Variants in ROBO1 observed in about 807,000 individuals in gnomAD.
ROBO1 encodes the protein roundabout guidance receptor 1, also known as roundabout homolog 1.
ROBO1 carries 149 observed loss-of-function variants against 195.9 expected under a neutral mutation model. The observed-to-expected ratio is 0.76, with a 90% CI of 0.67 to 0.87. The LOEUF (loss-of-function observed/expected upper bound fraction) is 0.87, where lower values mean the gene tolerates loss of function less well. Among genes scored for constraint, ROBO1 ranks in the 40% least tolerant of loss-of-function variants. ROBO1 has a pLI of 0.00. For synonymous variants in ROBO1, 816 were observed against 733.2 expected (o/e 1.11, Z -1.82); for missense variants, 1,933 against 2,068.3 (o/e 0.93, Z 1.27).
chr3:78,801,460 T>C (rs527469555), intron 4 of ROBO1, among the ~76,000 whole-genome samples: 10 of 152,134 alleles, frequency 6.6e-5, no homozygotes, highest in Non-Finnish European at 1.3e-4. Flanking sequence ...TCCAATATTA[T>C]CTTCTCTATT....
At chr3:79,381,218 G>A (rs778091750) in intron 2 of ROBO1, among the ~76,000 whole-genome samples, 178 of 151,692 alleles carry the variant, frequency 1.2e-3, no homozygotes, top group Non-Finnish European at 1.7e-3. Flanking sequence ...TTATCTGGGC[G>A]TGGAGGCAGG....
intron 2 of ROBO1, among the ~76,000 whole-genome samples, chr3:79,588,287 AT>A (rs973673062): frequency 6.6e-6 from 1 of 151,668 alleles, no homozygotes; most frequent in Non-Finnish European, 1.5e-5. Flanking sequence ...AAAAGGTAAC[AT>A]TTTTTATTCC....
At position 79,033,850 on chromosome 3, in the gene ROBO1, T is replaced by TTGTAAAACTC. The variant is rs1465482942; in HGVS notation, c.172+91596_172+91605dup. Among the ~76,000 whole-genome samples the TTGTAAAACTC allele has an allele frequency of 5.3e-5, 8 of 152,156 alleles. 1 individual carries two copies. The East Asian group carries it at 1.2e-3, about 22-fold the overall frequency. The stretch of plus-strand genomic sequence containing the variant: ...TCTCAAAGTGCTTTTTCTGGAGCAT[T>TTGTAAAACTC]TGTAAAACTCGAGCCATGGTTCTTT... On this transcript the variant is annotated intron_variant, in intron 3 of 30. Coordinates refer to ENST00000464233, the MANE Select transcript of ROBO1 (RefSeq NM_002941.4).
At chr3:79,331,478 A>C (rs2034435932) in intron 2 of ROBO1, among the ~76,000 whole-genome samples, 1 of 152,222 alleles carries the variant, frequency 6.6e-6, no homozygotes, top group African/African-American at 2.4e-5. Context: ...TTGTGTTAAT[A>C]AATAAAAAGT....
chr3:79,692,260 A>T (rs908866081), intron 1 of ROBO1, among the ~76,000 whole-genome samples: 3 of 151,920 alleles, frequency 2.0e-5, no homozygotes, highest in Non-Finnish European at 4.4e-5. Context: ...TTAAGTATAG[A>T]TTATAATGTA....
intron 1 of ROBO1, among the ~76,000 whole-genome samples, chr3:79,686,739 C>T (rs1453050642): frequency 6.6e-6 from 1 of 152,252 alleles, no homozygotes; most frequent in South Asian, 2.1e-4. Context: ...AATGCAAGGA[C>T]ATTCCATGCT....
chr3:79,058,128 T>G (rs1033321776), intron 3 of ROBO1, among the ~76,000 whole-genome samples: 2 of 151,968 alleles, frequency 1.3e-5, no homozygotes, highest in Non-Finnish European at 2.9e-5. Context: ...GGGAAAACCA[T>G]GCCCTAAAAA....
At chr3:79,293,559 A>T (rs1325802007) in intron 2 of ROBO1, among the ~76,000 whole-genome samples, 2 of 152,168 alleles carry the variant, frequency 1.3e-5, no homozygotes, top group African/African-American at 4.8e-5. Flanking sequence ...GCTGTGTCCC[A>T]GAGATTCTGG....
chr3:78,905,635 C>T (rs2037859635), intron 4 of ROBO1, among the ~76,000 whole-genome samples: 1 of 151,958 alleles, frequency 6.6e-6, no homozygotes, highest in African/African-American at 2.4e-5. Context: ...AAAAACTCTA[C>T]TGTTGATATC....
chr3:79,623,507 T>G (rs1945075639), intron 1 of ROBO1, among the ~76,000 whole-genome samples: 1 of 152,140 alleles, frequency 6.6e-6, no homozygotes. Flanking sequence ...ATAAACAACC[T>G]GATGGAGCTG....
chr3:79,465,986 T>C (rs74316955), intron 2 of ROBO1, among the ~76,000 whole-genome samples: 39 of 152,164 alleles, frequency 2.6e-4, no homozygotes, highest in African/African-American at 8.9e-4. Context: ...TCTAGGCAGC[T>C]TTTATATATG....
intron 4 of ROBO1, among the ~76,000 whole-genome samples, chr3:78,879,314 A>G (rs781003113): frequency 1.3e-5 from 2 of 152,164 alleles, no homozygotes; most frequent in African/African-American, 2.4e-5. Context: ...CTGAGTTGAT[A>G]TATGTGTGAC....
At chr3:79,340,987 G>A (rs749712251) in intron 2 of ROBO1, among the ~76,000 whole-genome samples, 6 of 152,212 alleles carry the variant, frequency 3.9e-5, no homozygotes, top group Non-Finnish European at 5.9e-5. Context: ...AGTATACTGC[G>A]GAATGTACAA....
At chr3:79,551,176 C>T (rs1226791573) in intron 2 of ROBO1, among the ~76,000 whole-genome samples, 2 of 151,084 alleles carry the variant, frequency 1.3e-5, no homozygotes, top group African/African-American at 4.9e-5. Flanking sequence ...TTTCTTTCAA[C>T]TTTTTTTTAA....
At chr3:79,120,601 A>G (rs1167223222) in intron 3 of ROBO1, among the ~76,000 whole-genome samples, 1 of 152,180 alleles carries the variant, frequency 6.6e-6, no homozygotes. Context: ...GTGATGTAAG[A>G]AAGTCTTGGG....
intron 2 of ROBO1, among the ~76,000 whole-genome samples, chr3:79,212,052 C>A (rs903658410): frequency 6.6e-6 from 1 of 152,234 alleles, no homozygotes; most frequent in Non-Finnish European, 1.5e-5. Flanking sequence ...TAGTTATCCA[C>A]AGCAGGAGCA....
At chr3:79,440,481 A>G (rs1002601869) in intron 2 of ROBO1, among the ~76,000 whole-genome samples, 1 of 152,126 alleles carries the variant, frequency 6.6e-6, no homozygotes, top group Non-Finnish European at 1.5e-5. Flanking sequence ...CTAAGATGGC[A>G]AATGCTAGAC....
intron 2 of ROBO1, among the ~76,000 whole-genome samples, chr3:79,391,981 C>A (rs1048884988): frequency 6.6e-6 from 1 of 152,112 alleles, no homozygotes; most frequent in Non-Finnish European, 1.5e-5. Flanking sequence ...GATATAAAGA[C>A]GTGATGCCTT....
At chr3:79,451,417 G>C (rs1207682916) in intron 2 of ROBO1, among the ~76,000 whole-genome samples, 1 of 152,090 alleles carries the variant, frequency 6.6e-6, no homozygotes, top group Non-Finnish European at 1.5e-5. Context: ...AAATGGAAGA[G>C]CCTTACCCCC....
Sources: gnomAD v4.1 joint callset for allele counts (sites outside exome capture counted in the v4.1 genomes callset) on GRCh38, gnomAD v4.1.1 for gene constraint, MANE v1.5 for transcripts, NCBI Gene and HGNC (gene_info 2026-07-23, HGNC 2026-07-21) for gene names.